The following ATR variants were observed in gnomAD, a reference collection of about 807,000 sequenced individuals.
The protein encoded by ATR is serine/threonine-protein kinase ATR.
A neutral mutation model predicts 305.3 loss-of-function variants in ATR; 142 were observed. The observed-to-expected ratio is 0.47, with a 90% CI of 0.41 to 0.53. The LOEUF is 0.53. Ranked by LOEUF, ATR falls within the 20% of genes least tolerant of loss-of-function variation. The pLI is 0.00. For synonymous variants in ATR, 1,050 were observed against 1,068.1 expected (o/e 0.98, Z 0.33); for missense variants, 2,135 against 3,133.1 (o/e 0.68, Z 7.60).
Position 142,549,477 on chromosome 3 carries a change from AC to A in ATR, c.3171+1del. 6.4e-7 allele frequency: 1 copy of A among 1,553,536 alleles called. No individual in the cohort carries two copies. Among genetic ancestry groups the A allele is most frequent in the Non-Finnish European group, 8.7e-7 (1 of 1,145,504 alleles). On this transcript the variant is annotated splice_donor_variant, in intron 15 of 46. Coordinates refer to ENST00000350721, the MANE Select transcript of ATR (RefSeq NM_001184.4). LOFTEE classifies it high-confidence loss of function. ...GTAAAATATATAGAAATATTCAATT[AC>A]CTTCAGATAATGAAGGGCACGTTCT... is the stretch of plus-strand genomic sequence containing the variant.
intron 38 of ATR, 35 bp from the exon 39 acceptor site, chr3:142,468,103 A>G: frequency 6.2e-7 from 1 of 1,605,658 alleles, no homozygotes; most frequent in Non-Finnish European, 8.5e-7. Context: ...CATAAAAAAG[A>G]GTTTATACAG....
chr3:142,465,777 G>C (rs2071113694), intron 40 of ATR: 1 of 164,436 alleles, frequency 6.1e-6, no homozygotes, highest in African/African-American at 2.4e-5. Context: ...AGGCTGAGCA[G>C]GAGAATGGCT....
At chr3:142,552,046 C>T (rs1010426096) in intron 13 of ATR, among the ~76,000 whole-genome samples, 6 of 151,988 alleles carry the variant, frequency 3.9e-5, no homozygotes, top group Admixed American at 6.6e-5. Flanking sequence ...AGCCAGCCAA[C>T]GAACATGAAA....
chr3:142,467,864 A>C, intron 39 of ATR, 70 bp downstream of exon 39: 1 of 1,558,846 alleles, frequency 6.4e-7, no homozygotes, highest in Non-Finnish European at 8.7e-7. Context: ...TAATCAAATG[A>C]AAAAATCTGC....
At chr3:142,561,111 G>A (rs1364878329) in intron 5 of ATR, 132 bp downstream of exon 5, 15 of 916,744 alleles carry the variant, frequency 1.6e-5, no homozygotes, top group Non-Finnish European at 2.3e-5. Flanking sequence ...AATATTTTAA[G>A]CACTCCCTTG....
chr3:142,465,484 C>T (rs895194246), intron 40 of ATR: 20 of 261,848 alleles, frequency 7.6e-5, no homozygotes, highest in Non-Finnish European at 1.2e-4. Context: ...TACTTCATCG[C>T]CAATACAAGT....
Position 142,562,338 on chromosome 3 carries a change from T to C in ATR, c.1064A>G (p.Lys355Arg). 1 of 1,614,054 alleles carries C rather than the reference T, an allele frequency of 6.2e-7. No individual in the cohort carries two copies. Among genetic ancestry groups the C allele is most frequent in the South Asian group, 1.1e-5 (1 of 91,078 alleles). The stretch of plus-strand genomic sequence containing the variant: ...AGATTCATACCCAGCTGGCACAAAT[T>C]TAAGGAAATACTGCAGTAAATGGCA... Reference protein sequence around the residue: ...ALCHLLQYFLKFVPAGYESAL... With the variant: ...ALCHLLQYFLRFVPAGYESAL... Residue 355 changes from lysine (K) to arginine (R), a missense_variant, in exon 4 of 47, where the codon AAA (lysine) becomes AGA (arginine). This residue lies in a region of ATR where 744 missense variants were observed against 873.2 expected (regional missense o/e 0.85). Coordinates refer to ENST00000350721, the MANE Select transcript of ATR (RefSeq NM_001184.4).
At chr3:142,483,894 C>A (rs1025694169) in intron 36 of ATR, among the ~76,000 whole-genome samples, 2 of 147,538 alleles carry the variant, frequency 1.4e-5, no homozygotes, top group African/African-American at 4.9e-5. Context: ...TATATAACCA[C>A]GAAATATGAC....
rs1046981526 is a variant in ATR at position 142,550,401 on chromosome 3, T to G, written c.2806-99A>C. 7.8e-5 allele frequency: 99 copies of G among 1,270,602 alleles called. 1 individual carries two copies. The African/African-American group carries it at 1.4e-3, about 18-fold the overall frequency. 78.7% of individuals were successfully genotyped at this position (1,270,602 alleles called of 1,614,324 possible). On this transcript the variant is annotated intron_variant, in intron 13 of 46. Transcript: ENST00000350721. The stretch of plus-strand genomic sequence containing the variant: ...TAGAGGGCAGTATCAAATAGTATTC[T>G]ACATTATCTGAATTGGTCCATTCAA...
intron 16 of ATR, among the ~76,000 whole-genome samples, chr3:142,544,636 AAAAAAAT>A (rs2034200060): frequency 6.6e-6 from 1 of 150,706 alleles, no homozygotes; most frequent in Non-Finnish European, 1.5e-5. Flanking sequence ...AAAAAAAAAA[AAAAAAAT>A]GAGCTGGGAA....
chr3:142,565,450 G>GT (rs2035033867), intron 3 of ATR, among the ~76,000 whole-genome samples: 1 of 152,134 alleles, frequency 6.6e-6, no homozygotes, highest in Non-Finnish European at 1.5e-5. Context: ...TAAGCCTAGA[G>GT]AAAAGCTTCA....
chr3:142,484,272 G>T (rs957669652), intron 36 of ATR, among the ~76,000 whole-genome samples: 4 of 152,230 alleles, frequency 2.6e-5, no homozygotes, highest in Non-Finnish European at 4.4e-5. Context: ...GACAGACCTT[G>T]CTGGGTTTAC....
chr3:142,567,914 T>C (rs1043194813), intron 2 of ATR, 149 bp downstream of exon 2: 16 of 653,412 alleles, frequency 2.4e-5, no homozygotes, highest in African/African-American at 1.7e-4. Flanking sequence ...CAATAAGCAA[T>C]ACTGATTAAC....
At chr3:142,514,807 C>CAAAA (rs56770183) in intron 25 of ATR, among the ~76,000 whole-genome samples, 533 of 98,720 alleles carry the variant, frequency 5.4e-3, no homozygotes, top group Middle Eastern at 7.8e-3. Context: ...GACTCCGTCA[C>CAAAA]AAAAAAAAAA....
intron 13 of ATR, 83 bp from the exon 14 acceptor site, chr3:142,550,385 G>C: frequency 7.3e-7 from 1 of 1,361,582 alleles, no homozygotes; most frequent in East Asian, 2.3e-5. Flanking sequence ...ATAGAGGGCA[G>C]TATCAAATAG....
chr3:142,466,094 T>C (rs1206392450), intron 40 of ATR, among the ~76,000 whole-genome samples: 2 of 152,054 alleles, frequency 1.3e-5, no homozygotes, highest in Non-Finnish European at 2.9e-5. Flanking sequence ...CAGGAGCATT[T>C]GAAAAATCAA....
Position 142,496,453 on chromosome 3 carries a change from G to A in ATR, c.5806C>T (p.His1936Tyr), listed in dbSNP as rs1423713950. 1.2e-6 allele frequency: 2 copies of A among 1,611,996 alleles called. No individual in the cohort carries two copies. The highest frequency in any genetic ancestry group is 1.7e-6 in the Non-Finnish European group (2 of 1,179,488). Reference protein sequence around the residue: ...QSARVARKAGHHQTAYNALLN... With the variant: ...QSARVARKAGYHQTAYNALLN... ...AGAGCATTGTAGGCTGTCTGGTGGTGACCAGCCTTTCTAGCTACCCTGGCA... is the reference window on the plus strand; with the variant it reads ...AGAGCATTGTAGGCTGTCTGGTGGTAACCAGCCTTTCTAGCTACCCTGGCA... Residue 1936 changes from histidine to tyrosine, a missense_variant, in exon 34 of 47, where the codon CAC (histidine) becomes TAC (tyrosine). Transcript: ENST00000350721.
intron 46 of ATR, chr3:142,451,610 C>A: frequency 7.8e-7 from 1 of 1,281,292 alleles, no homozygotes; most frequent in Non-Finnish European, 1.0e-6. Context: ...CCAAGGGTCT[C>A]ACTCTGTTGC....
chr3:142,458,829 C>T lies in ATR; in HGVS notation c.7503+129G>A, dbSNP rs2070963714. ...ACATGATCCACTGATGAAAACTAGTCAACAAATTCTCAGTATAACTCAACT... is the reference window on the plus strand; with the variant it reads ...ACATGATCCACTGATGAAAACTAGTTAACAAATTCTCAGTATAACTCAACT... On this transcript the variant is annotated intron_variant, in intron 44 of 46. Coordinates refer to ENST00000350721, the MANE Select transcript of ATR (RefSeq NM_001184.4). The T allele has an allele frequency of 4.5e-6, 5 of 1,116,966 alleles. No homozygotes were observed. The East Asian group carries it at 1.3e-4, about 29-fold the overall frequency. The allele number at this position is 1,116,966 out of a possible 1,614,324, so 69.2% of individuals were successfully genotyped here.
Sources: allele counts gnomAD v4.1 joint callset (sites outside exome capture counted in the v4.1 genomes callset), GRCh38; gene constraint gnomAD v4.1.1; regional missense constraint gnomAD v4.1.1; transcripts MANE v1.5; gene names NCBI Gene and HGNC (gene_info 2026-07-23, HGNC 2026-07-21).